Variants in KAT2A observed in about 807,000 individuals in gnomAD.
The protein encoded by KAT2A is lysine acetyltransferase 2A.
In KAT2A, 42 loss-of-function variants were observed where a neutral mutation model predicts 95.2. That is an observed-to-expected ratio of 0.44 (90% CI 0.34 to 0.57). The LOEUF is 0.57. KAT2A is among the 20% of genes least tolerant of loss of function. The probability of loss-of-function intolerance (pLI) is 0.01; values close to 1 mark genes in which losing one functional copy is unlikely to be tolerated. For synonymous variants in KAT2A, 449 were observed against 448.2 expected (o/e 1.00, Z -0.02); for missense variants, 784 against 1,126.3 (o/e 0.70, Z 4.35).
Position 42,117,119 on chromosome 17 carries a change from G to A in KAT2A, c.1680C>T (p.Ile560=), listed in dbSNP as rs781833707. Residue 560 remains isoleucine, a synonymous_variant, in exon 11 of 18, where the codon ATC becomes ATT. Coordinates refer to ENST00000225916, the MANE Select transcript of KAT2A (RefSeq NM_021078.3). The surrounding 1 kb of genome is among the most constrained non-coding windows in gnomAD (Gnocchi z 8.9). ...TLALIKDGRV[I]GGICFRMFPT... ...GAAACATGCGGAAGCAGATGCCACC[G>A]ATGACCCGCCCATCCTTGATCAAGG... is the stretch of plus-strand genomic sequence containing the variant. The A allele has an allele frequency of 1.7e-5, 27 of 1,614,016 alleles. No individual in the cohort carries two copies. The highest frequency in any genetic ancestry group is 1.1e-4 in the East Asian group (5 of 44,896).
At position 42,121,096 on chromosome 17, in the gene KAT2A, G is replaced by GC. The variant is rs782561411; in HGVS notation, c.208dup (p.Ala70GlyfsTer35). On this transcript the variant is annotated frameshift_variant, in exon 1 of 18. Coordinates refer to ENST00000225916, the MANE Select transcript of KAT2A (RefSeq NM_021078.3). LOFTEE classifies it high-confidence loss of function. Reference sequence around the variant, plus strand: ...TCGAGCCGGATCCCCCCCGCTCCCGGCCCCCCCACTTCCTACCCCGGGCCC... The same window carrying GC: ...TCGAGCCGGATCCCCCCCGCTCCCGGCCCCCCCCACTTCCTACCCCGGGCCC... 1 of 1,537,862 alleles carries GC rather than the reference G, an allele frequency of 6.5e-7. No individual in the cohort carries two copies. Among genetic ancestry groups the GC allele is most frequent in the Non-Finnish European group, 8.7e-7 (1 of 1,143,268 alleles).
Position 42,120,825 on chromosome 17 carries a change from T to C in KAT2A, c.344A>G (p.Asn115Ser), listed in dbSNP as rs376230506. The change falls in exon 2 of 18, where the codon AAT becomes AGT. Residue 115 changes from asparagine (N) to serine (S), a missense_variant. Asn to Ser is a conservative substitution (Grantham distance 46). Around this residue, in one of 6 missense-constraint regions of KAT2A, gnomAD observed 208 missense variants for 339.7 expected, o/e 0.61. Transcript: ENST00000225916. ...KLGVFSACKANETCKCNGWKN... is the reference protein window; with the variant it reads ...KLGVFSACKASETCKCNGWKN... ...CCAGCCATTACACTTACAGGTTTCA[T>C]TGGCCTGGAGGTGGAAGGATCAGTC... 9 of 1,610,504 alleles carry C rather than the reference T, an allele frequency of 5.6e-6. No individual in the cohort carries two copies. The highest frequency in any genetic ancestry group is 5.3e-5 in the African/African-American group (4 of 74,990).
chr17:42,118,262 G>A (rs1555666549), intron 7 of KAT2A, 35 bp downstream of exon 7: 3 of 1,497,496 alleles, frequency 2.0e-6, no homozygotes, highest in East Asian at 2.3e-5. Flanking sequence ...AGCCAGGCAG[G>A]CCAGACACCC....
Position 42,119,226 on chromosome 17 carries a change from A to C in KAT2A, c.1073+19T>G. 6.3e-7 allele frequency: 1 copy of C among 1,582,636 alleles called. No homozygotes were observed. Among genetic ancestry groups the C allele is most frequent in the Non-Finnish European group, 8.6e-7 (1 of 1,160,742 alleles). ...TGTGAACTTGGGGCCAAATCCTGGTAGGCCAGAAGGAGCCTTACTTGGGGA... is the reference window on the plus strand; with the variant it reads ...TGTGAACTTGGGGCCAAATCCTGGTCGGCCAGAAGGAGCCTTACTTGGGGA... On this transcript the variant is annotated intron_variant, in intron 6 of 17. Coordinates refer to ENST00000225916, the MANE Select transcript of KAT2A (RefSeq NM_021078.3). This position sits in a 1 kb window ranked among gnomAD's most constrained non-coding sequence, Gnocchi z 5.3.
At position 42,120,948 on chromosome 17, in the gene KAT2A, C is replaced by T. The variant is rs1244739338; in HGVS notation, c.339+18G>A. 7 of 1,562,542 alleles carry T rather than the reference C, an allele frequency of 4.5e-6. No individual in the cohort carries two copies. The highest frequency in any genetic ancestry group is 5.2e-6 in the Non-Finnish European group (6 of 1,154,200). Reference sequence around the variant, plus strand: ...GATGCCCCAAGCCCCGCCCCTTCACCCCAGGCCCCGCCCCCACCTTGCAAG... The same window carrying T: ...GATGCCCCAAGCCCCGCCCCTTCACTCCAGGCCCCGCCCCCACCTTGCAAG... On this transcript the variant is annotated intron_variant, in intron 1 of 17. Transcript: ENST00000225916.
Position 42,117,347 on chromosome 17 carries a change from G to T in KAT2A, c.1637+41C>A, listed in dbSNP as rs782631706. ...GAAGAGGCCGAGGAGGAAGGGAACT[G>T]GGTGTGCTGCCCTGGGGGAGGGGCT... On this transcript the variant is annotated intron_variant, in intron 10 of 17. Coordinates refer to ENST00000225916, the MANE Select transcript of KAT2A (RefSeq NM_021078.3). This position sits in a 1 kb window ranked among gnomAD's most constrained non-coding sequence, Gnocchi z 8.9. 2.5e-6 allele frequency: 4 copies of T among 1,598,758 alleles called. No homozygotes were observed. In the East Asian group the frequency reaches 8.9e-5, roughly 36 times the overall value.
rs1555666123 is a variant in KAT2A at position 42,117,170 on chromosome 17, G to C, written c.1638-9C>G. ...CCAGAGTCTTGTGCTTCCTAAGAGA[G>C]AGGGGGGCATGTCATAGCCCCTGAC... On this transcript the variant is annotated splice_polypyrimidine_tract_variant and intron_variant, in intron 10 of 17. Coordinates refer to ENST00000225916, the MANE Select transcript of KAT2A (RefSeq NM_021078.3). This position sits in a 1 kb window ranked among gnomAD's most constrained non-coding sequence, Gnocchi z 8.9. 6.2e-7 allele frequency: 1 copy of C among 1,613,824 alleles called. No homozygotes were observed. The highest frequency in any genetic ancestry group is 1.1e-5 in the South Asian group (1 of 91,060).
In KAT2A at chr17:42,114,022, G is replaced by A. The variant is rs535226909; in HGVS notation, c.2298C>T (p.Tyr766=). Reference sequence around the variant, plus strand: ...CACCAATGGGGAAGCGGATGACCTCGTAGTAGTCAGGGGCCTCCGACTTCT... The same window carrying A: ...CACCAATGGGGAAGCGGATGACCTCATAGTAGTCAGGGGCCTCCGACTTCT... ...PVKKSEAPDY[Y]EVIRFPIDLK... is the part of the protein sequence containing the mutation. The change falls in exon 17 of 18, where the codon TAC becomes TAT. Residue 766 remains tyrosine, a synonymous_variant. Transcript: ENST00000225916. This position sits in a 1 kb window ranked among gnomAD's most constrained non-coding sequence, Gnocchi z 6.0. 12 of 1,518,970 alleles carry A rather than the reference G, an allele frequency of 7.9e-6. No individual in the cohort carries two copies. The South Asian group carries it at 1.0e-4, about 13-fold the overall frequency. 94.1% of individuals were successfully genotyped at this position (1,518,970 alleles called of 1,614,324 possible). A position where few individuals can be genotyped will look rare whatever the true frequency, so the allele number is the denominator to read the frequency against.
At position 42,119,390 on chromosome 17, in the gene KAT2A, G is replaced by C. The variant is rs782494058; in HGVS notation, c.928C>G (p.Arg310Gly). ...CCAAAGACATGAGTGGTTTCGTAGC[G>C]GGGGAGGCTATCACAGCTCTGGGGC... Reference protein sequence around the residue: ...HVPQSCDSLPRYETTHVFGRS... With the variant: ...HVPQSCDSLPGYETTHVFGRS... Residue 310 changes from arginine (R) to glycine (G), a missense_variant, in exon 6 of 18, where the codon CGC becomes GGC. Coordinates refer to ENST00000225916, the MANE Select transcript of KAT2A (RefSeq NM_021078.3). The surrounding 1 kb of genome is among the most constrained non-coding windows in gnomAD (Gnocchi z 5.3). 1 of 1,613,764 alleles carries C rather than the reference G, an allele frequency of 6.2e-7. No individual in the cohort carries two copies. Among genetic ancestry groups the C allele is most frequent in the Non-Finnish European group, 8.5e-7 (1 of 1,179,846 alleles).
rs1207267984 is a variant in KAT2A, at chr17:42,114,571, G to A, written c.2053C>T (p.Gln685Ter). ...AGCCCCGGGTAGACCTTGCGGATCT[G>A]GGCCTGTTTGCGCTCAATCAGCTTC... ...IKKLIERKQA[Q>*]IRKVYPGLSC... Residue 685 changes from glutamine to a stop codon, truncating the protein, a stop_gained, in exon 14 of 18, where the codon CAG (glutamine) becomes TAG (stop). Transcript: ENST00000225916. LOFTEE classifies it high-confidence loss of function. The surrounding 1 kb of genome is among the most constrained non-coding windows in gnomAD (Gnocchi z 6.0). 1 of 1,613,874 alleles carries A rather than the reference G, an allele frequency of 6.2e-7. No individual in the cohort carries two copies. Among genetic ancestry groups the A allele is most frequent in the Non-Finnish European group, 8.5e-7 (1 of 1,179,976 alleles).
rs782023771 is a variant in KAT2A at position 42,119,305 on chromosome 17, C to T, written c.1013G>A (p.Arg338Gln). 2.5e-6 allele frequency: 4 copies of T among 1,614,082 alleles called. No homozygotes were observed. The highest frequency in any genetic ancestry group is 2.2e-5 in the East Asian group (1 of 44,878). ...VTRRQLLEKF[R>Q]VEKDKLVPEK... is the part of the protein sequence containing the mutation. Reference sequence around the variant, plus strand: ...GGGCACCAATTTGTCCTTCTCCACTCGGAACTTTTCCAGCAGCTGCCGGCG... The same window carrying T: ...GGGCACCAATTTGTCCTTCTCCACTTGGAACTTTTCCAGCAGCTGCCGGCG... Residue 338 changes from arginine to glutamine, a missense_variant, in exon 6 of 18, where the codon CGA becomes CAA. Physicochemically the swap from Arg to Gln is conservative, Grantham distance 43 (BLOSUM62 1). Around this residue, in one of 6 missense-constraint regions of KAT2A, gnomAD observed 208 missense variants for 339.7 expected, o/e 0.61. Coordinates refer to ENST00000225916, the MANE Select transcript of KAT2A (RefSeq NM_021078.3). This position sits in a 1 kb window ranked among gnomAD's most constrained non-coding sequence, Gnocchi z 5.3.
chr17:42,118,498 C>G (rs889405295), intron 6 of KAT2A, 95 bp from the exon 7 acceptor site: 1 of 856,858 alleles, frequency 1.2e-6, no homozygotes. Flanking sequence ...AGAGACAGAC[C>G]CTGCTCTTAG....
chr17:42,120,580 C>A (rs1198977261), intron 2 of KAT2A, 126 bp downstream of exon 2: 2 of 1,349,362 alleles, frequency 1.5e-6, no homozygotes, highest in African/African-American at 1.4e-5. Flanking sequence ...GCACACCCCC[C>A]CCCAACCCAA....
Position 42,119,979 on chromosome 17 carries a change from C to CCT in KAT2A, c.699+50_699+51insAG, listed in dbSNP as rs1232332362. 6.7e-7 allele frequency: 1 copy of CCT among 1,490,396 alleles called. No individual in the cohort carries two copies. Among genetic ancestry groups the CCT allele is most frequent in the Non-Finnish European group, 9.4e-7 (1 of 1,068,918 alleles). 92.3% of individuals were successfully genotyped at this position (1,490,396 alleles called of 1,614,324 possible). On this transcript the variant is annotated intron_variant, in intron 4 of 17. Coordinates refer to ENST00000225916, the MANE Select transcript of KAT2A (RefSeq NM_021078.3). The surrounding 1 kb of genome is among the most constrained non-coding windows in gnomAD (Gnocchi z 5.3). ...TGGAGAACACAGGCTCCCCACTCCT[C>CCT]CAAGCTGTCCCCAATTCTCCTATCC... is the stretch of plus-strand genomic sequence containing the variant.
chr17:42,121,041 A>G lies in KAT2A; in HGVS notation c.264T>C (p.Ser88=), dbSNP rs2054330260. The change falls in exon 1 of 18, where the codon AGT becomes AGC. Residue 88 remains serine, a synonymous_variant. Coordinates refer to ENST00000225916, the MANE Select transcript of KAT2A (RefSeq NM_021078.3). ...RPGLSQQQRA[S]QRKAQVRGLP... is the part of the protein sequence containing the mutation. ...GCCCCCGGACTTGCGCCTTCCTCTG[A>G]CTGGCGCGCTGCTGCTGGCTCAGGC... The G allele has an allele frequency of 6.3e-7, 1 of 1,589,872 alleles. No homozygotes were observed. The highest frequency in any genetic ancestry group is 8.5e-7 in the Non-Finnish European group (1 of 1,170,256).
At chr17:42,115,524 G>C (rs372097276) in intron 12 of KAT2A, among the ~76,000 whole-genome samples, 199 bp downstream of exon 12, 2 of 151,010 alleles carry the variant, frequency 1.3e-5, no homozygotes, top group African/African-American at 4.9e-5. Context: ...CCTCCGGCCT[G>C]CTCTACTGGC....
Position 42,119,074 on chromosome 17 carries a change from C to T in KAT2A, c.1073+171G>A. ...TGTACCTGCCATCCCCAGACTAGTA[C>T]TAGCAAGTTGCTTCTGGGCCATGGG... On this transcript the variant is annotated intron_variant, in intron 6 of 17. Transcript: ENST00000225916. The surrounding 1 kb of genome is among the most constrained non-coding windows in gnomAD (Gnocchi z 5.3). 2.7e-6 allele frequency: 4 copies of T among 1,476,196 alleles called. No homozygotes were observed. The highest frequency in any genetic ancestry group is 1.4e-5 in the South Asian group (1 of 69,346). The allele number at this position is 1,476,196 out of a possible 1,614,324, so 91.4% of individuals were successfully genotyped here. A position where few individuals can be genotyped will look rare whatever the true frequency, so the allele number is the denominator to read the frequency against.
intron 6 of KAT2A, chr17:42,119,000 A>C: frequency 7.6e-7 from 1 of 1,313,246 alleles, no homozygotes; most frequent in South Asian, 2.2e-5. Flanking sequence ...ACAATTAGTA[A>C]CATCTACTGG....
rs1555667356 is a variant in KAT2A at position 42,121,277 on chromosome 17, G to T, written c.28C>A (p.Pro10Thr). ...GGCCGGGGCTGCGCAGCCGGGGCCG[G>T]GGTCGGGGCCTGGGAAGGTTCCGCC... Reference protein sequence around the residue: MAEPSQAPTPAPAAQPRPLQ... With the variant: MAEPSQAPTTAPAAQPRPLQ... Residue 10 changes from proline to threonine, a missense_variant, in exon 1 of 18, where the codon CCG becomes ACG. Coordinates refer to ENST00000225916, the MANE Select transcript of KAT2A (RefSeq NM_021078.3). 2 of 1,375,648 alleles carry T rather than the reference G, an allele frequency of 1.5e-6. No homozygotes were observed. The highest frequency in any genetic ancestry group is 6.0e-5 in the East Asian group (2 of 33,370). The allele number at this position is 1,375,648 out of a possible 1,614,324, so 85.2% of individuals were successfully genotyped here.
Sources: gnomAD v4.1 joint callset for allele counts (sites outside exome capture counted in the v4.1 genomes callset) on GRCh38, gnomAD v4.1.1 for gene constraint, gnomAD v4.1.1 regional missense constraint, Gnocchi (gnomAD v3.1) non-coding constraint, MANE v1.5 for transcripts, NCBI Gene and HGNC (gene_info 2026-07-23, HGNC 2026-07-21) for gene names.